NSF: variants seen among roughly 807,000 people sequenced by gnomAD.
NSF encodes N-ethylmaleimide sensitive factor, vesicle fusing ATPase.
In NSF, 14 loss-of-function variants were observed where a neutral mutation model predicts 50.3. The ratio of observed to expected loss-of-function variants is 0.28; its 90% CI spans 0.18 to 0.44. The LOEUF (loss-of-function observed/expected upper bound fraction) is 0.44. NSF is among the 20% of genes least tolerant of loss of function. The pLI is 1.00. For missense variants in NSF, 218 were observed against 504.3 expected (o/e 0.43, Z 5.44); for synonymous variants, 109 against 175.7 (o/e 0.62, Z 3.00).
chr17:46,734,714 CAT>C (rs942360293), intron 17 of NSF, among the ~76,000 whole-genome samples: 1 of 151,914 alleles, frequency 6.6e-6, no homozygotes, highest in African/African-American at 2.4e-5. Flanking sequence ...TATTAAAGAA[CAT>C]ATATATATAG....
intron 16 of NSF, among the ~76,000 whole-genome samples, chr17:46,728,503 C>T (rs2058914122): frequency 6.6e-6 from 1 of 151,870 alleles, no homozygotes; most frequent in South Asian, 2.1e-4. Flanking sequence ...ATTATGGCAA[C>T]CTATAATCCC....
chr17:46,715,038 C>T lies in NSF; in HGVS notation c.1761+1052C>T, dbSNP rs534061896. 1.3e-4 allele frequency among the ~76,000 whole-genome samples: 20 copies of T among 152,296 alleles called. 1 individual carries two copies. In the East Asian group the frequency reaches 3.3e-3, roughly 25 times the overall value. On this transcript the variant is annotated intron_variant, in intron 15 of 20. Coordinates refer to ENST00000398238, the MANE Select transcript of NSF (RefSeq NM_006178.4). The stretch of plus-strand genomic sequence containing the variant: ...AAAGATGACTCCCAAAAAATGTAAG[C>T]TTGAGAAGCTAGTCTCTTGTTTGTG...
intron 9 of NSF, among the ~76,000 whole-genome samples, chr17:46,688,360 A>AAAT (rs1482430699): frequency 0.011 from 1,654 of 146,988 alleles, 92 homozygotes; most frequent in African/African-American, 0.041. Flanking sequence ...ATAAAAATAA[A>AAAT]AATAAATTTT....
chr17:46,752,552 C>T (rs1055366458), intron 19 of NSF, among the ~76,000 whole-genome samples: 2 of 152,166 alleles, frequency 1.3e-5, no homozygotes, highest in African/African-American at 4.8e-5. Context: ...ACCTCGCAGG[C>T]TCAGGCGTTC....
intron 17 of NSF, among the ~76,000 whole-genome samples, chr17:46,741,770 T>TTG (rs1555678751): frequency 5.9e-5 from 9 of 151,604 alleles, no homozygotes; most frequent in African/African-American, 9.7e-5. Context: ...GGTTTTTGTT[T>TTG]TTGTTGTTGT....
At chr17:46,722,043 C>T in intron 15 of NSF, 2 of 1,609,790 alleles carry the variant, frequency 1.2e-6, no homozygotes, top group Non-Finnish European at 1.7e-6. Context: ...ATATTCAGCT[C>T]CCTGAGCTGA....
intron 17 of NSF, among the ~76,000 whole-genome samples, chr17:46,740,768 T>TCGGCTCA (rs1313069917): frequency 6.6e-6 from 1 of 151,878 alleles, no homozygotes; most frequent in African/African-American, 2.4e-5. Context: ...TTCAAGTGAT[T>TCGGCTCA]CTCCTACCTC....
intron 9 of NSF, among the ~76,000 whole-genome samples, chr17:46,680,256 A>G: frequency 6.6e-6 from 1 of 151,812 alleles, no homozygotes; most frequent in Non-Finnish European, 1.5e-5. Context: ...ATAGTAATTG[A>G]AACAATGTTA....
intron 15 of NSF, 25 bp from the exon 16 acceptor site, chr17:46,726,524 A>G (rs1373379926): frequency 1.9e-6 from 3 of 1,610,086 alleles, no homozygotes; most frequent in Non-Finnish European, 1.7e-6. Context: ...ACAGTGAGAT[A>G]ATAAATGACT....
At chr17:46,725,206 T>G (rs2058875652) in intron 15 of NSF, among the ~76,000 whole-genome samples, 1 of 152,178 alleles carries the variant, frequency 6.6e-6, no homozygotes. Flanking sequence ...ACTTGTGTTG[T>G]TTCAACCATT....
intron 15 of NSF, chr17:46,721,795 A>G (rs2058833433): frequency 6.2e-6 from 10 of 1,602,180 alleles, no homozygotes; most frequent in Non-Finnish European, 1.7e-6. Flanking sequence ...CATCGTGCAC[A>G]GCTGTCAGAG....
At chr17:46,708,801 A>ATT (rs1411961404) in intron 13 of NSF, among the ~76,000 whole-genome samples, 650 of 41,828 alleles carry the variant, frequency 0.016, no homozygotes, top group Non-Finnish European at 0.023. Flanking sequence ...GCCACCATTT[A>ATT]TTTTATATAT....
intron 8 of NSF, among the ~76,000 whole-genome samples, chr17:46,666,142 T>C (rs1235053660): frequency 6.7e-6 from 1 of 149,160 alleles, no homozygotes; most frequent in Non-Finnish European, 1.5e-5. Flanking sequence ...AAGGGGAACT[T>C]TGGAAAATAA....
chr17:46,743,800 C>G (rs562522232), intron 17 of NSF, among the ~76,000 whole-genome samples: 1 of 152,322 alleles, frequency 6.6e-6, no homozygotes, highest in East Asian at 1.9e-4. Flanking sequence ...AGGTCTTCCT[C>G]CTCAAGAGCC....
At chr17:46,737,584 TGTG>T (rs2059020178) in intron 17 of NSF, among the ~76,000 whole-genome samples, 1 of 151,692 alleles carries the variant, frequency 6.6e-6, no homozygotes, top group Non-Finnish European at 1.5e-5. Context: ...TGTGTGTGTG[TGTG>T]TGTGTGTGTG....
At chr17:46,748,985 A>C (rs1379359997) in intron 17 of NSF, among the ~76,000 whole-genome samples, 1 of 152,238 alleles carries the variant, frequency 6.6e-6, no homozygotes, top group Non-Finnish European at 1.5e-5. Context: ...AGGATGTAAA[A>C]AGGGGCATGT....
At chr17:46,752,967 C>G (rs2059196250) in intron 19 of NSF, among the ~76,000 whole-genome samples, 1 of 152,144 alleles carries the variant, frequency 6.6e-6, no homozygotes, top group African/African-American at 2.4e-5. Context: ...TGGGGTTTCA[C>G]CATGTTGGCC....
At chr17:46,635,777 A>ATTGTGTG (rs575728163) in intron 4 of NSF, among the ~76,000 whole-genome samples, 3 of 116,796 alleles carry the variant, frequency 2.6e-5, no homozygotes, top group East Asian at 2.0e-4. Flanking sequence ...GGGAAAATAA[A>ATTGTGTG]TGTGTGTGTG....
chr17:46,754,904 T>TAA (rs2059218046), intron 19 of NSF, among the ~76,000 whole-genome samples: 1 of 152,254 alleles, frequency 6.6e-6, no homozygotes, highest in Non-Finnish European at 1.5e-5. Context: ...GTTGTTGAAT[T>TAA]AACCTCAACT....
Sources: allele counts gnomAD v4.1 joint callset (sites outside exome capture counted in the v4.1 genomes callset), GRCh38; gene constraint gnomAD v4.1.1; transcripts MANE v1.5; gene names NCBI Gene and HGNC (gene_info 2026-07-23, HGNC 2026-07-21).